Variants in KCND2 observed in about 807,000 individuals in gnomAD.
KCND2 encodes the protein A-type voltage-gated potassium channel KCND2.
In KCND2, 16 loss-of-function variants were observed where a neutral mutation model predicts 54.4. The ratio of observed to expected loss-of-function variants is 0.29; its 90% CI spans 0.20 to 0.45. The LOEUF is 0.45. Among genes scored for constraint, KCND2 ranks in the 20% least tolerant of loss-of-function variants. The pLI is 1.00. For missense variants in KCND2, 486 were observed against 824.2 expected (o/e 0.59, Z 5.02); for synonymous variants, 317 against 310.7 (o/e 1.02, Z -0.21).
At chr7:120,300,543 A>G (rs988369680) in intron 1 of KCND2, among the ~76,000 whole-genome samples, 4 of 152,164 alleles carry the variant, frequency 2.6e-5, no homozygotes, top group African/African-American at 9.6e-5. Context: ...TATATAGTGA[A>G]CATGGATATT....
intron 1 of KCND2, among the ~76,000 whole-genome samples, chr7:120,555,327 A>T (rs1254778307): frequency 1.3e-5 from 2 of 152,136 alleles, no homozygotes; most frequent in Non-Finnish European, 2.9e-5. Context: ...CCTCCTTTGA[A>T]TATGGTTTTT....
At chr7:120,725,491 G>C (rs998546440) in intron 1 of KCND2, among the ~76,000 whole-genome samples, 1 of 152,120 alleles carries the variant, frequency 6.6e-6, no homozygotes, top group Non-Finnish European at 1.5e-5. Flanking sequence ...CCAAAATACA[G>C]CCTAAATATT....
intron 1 of KCND2, among the ~76,000 whole-genome samples, chr7:120,696,390 C>A (rs1233701430): frequency 6.6e-6 from 1 of 152,146 alleles, no homozygotes; most frequent in Non-Finnish European, 1.5e-5. Flanking sequence ...AGATCCTACC[C>A]AGCATGTATT....
rs562379340 is a variant in KCND2 at position 120,606,648 on chromosome 7, C to T, written c.1116-126255C>T. Among the ~76,000 whole-genome samples the T allele has an allele frequency of 5.9e-5, 9 of 152,140 alleles. No individual in the cohort carries two copies. In the East Asian group the frequency reaches 1.5e-3, roughly 26 times the overall value. On this transcript the variant is annotated intron_variant, in intron 1 of 5. Transcript: ENST00000331113. ...TTCTTTCCTAACTGATTTGTCTTGG[C>T]AGCTGTGTCAAAAATCAACTGACTA...
chr7:120,284,141 A>G (rs984430840), intron 1 of KCND2, among the ~76,000 whole-genome samples: 1 of 152,172 alleles, frequency 6.6e-6, no homozygotes, highest in Non-Finnish European at 1.5e-5. Context: ...TTGAATCTAG[A>G]GGAATTCAGT....
chr7:120,552,456 A>G (rs887318982), intron 1 of KCND2, among the ~76,000 whole-genome samples: 2 of 152,244 alleles, frequency 1.3e-5, no homozygotes, highest in Admixed American at 6.5e-5. Flanking sequence ...AATGTATTTG[A>G]TATGAGTTTT....
intron 1 of KCND2, among the ~76,000 whole-genome samples, chr7:120,579,557 G>A (rs868235668): frequency 1.8e-4 from 27 of 150,950 alleles, no homozygotes; most frequent in African/African-American, 6.1e-4. Context: ...AGCCAAGATC[G>A]CGCCACTGCA....
At chr7:120,449,328 C>CAA (rs58305865) in intron 1 of KCND2, among the ~76,000 whole-genome samples, 14,130 of 125,270 alleles carry the variant, frequency 0.11, 743 homozygotes, top group Admixed American at 0.14. Context: ...GACTCCGTCT[C>CAA]AAAAAAAAAA....
chr7:120,325,511 G>A (rs1210218947), intron 1 of KCND2, among the ~76,000 whole-genome samples: 2 of 151,506 alleles, frequency 1.3e-5, no homozygotes, highest in Admixed American at 6.6e-5. Context: ...TTAGCATGAA[G>A]AGTTGTTGAA....
chr7:120,689,346 A>T (rs529791981), intron 1 of KCND2, among the ~76,000 whole-genome samples: 1 of 152,248 alleles, frequency 6.6e-6, no homozygotes, highest in Non-Finnish European at 1.5e-5. Flanking sequence ...TACAAATTTT[A>T]TTTTTTTAAA....
chr7:120,325,176 C>G (rs973710337), intron 1 of KCND2, among the ~76,000 whole-genome samples: 4 of 130,972 alleles, frequency 3.1e-5, no homozygotes, highest in Non-Finnish European at 6.5e-5. Context: ...GCTGAAGTTG[C>G]TTATCAGCTT....
intron 1 of KCND2, among the ~76,000 whole-genome samples, chr7:120,350,124 CTA>C (rs1800381620): frequency 6.6e-6 from 1 of 151,992 alleles, no homozygotes; most frequent in South Asian, 2.1e-4. Flanking sequence ...TTTATGAAAA[CTA>C]TGAAATCATT....
At chr7:120,278,140 C>A (rs1458052674) in intron 1 of KCND2, among the ~76,000 whole-genome samples, 1 of 151,888 alleles carries the variant, frequency 6.6e-6, no homozygotes, top group East Asian at 1.9e-4. Flanking sequence ...AACAGAATTT[C>A]ATAGAAAAAT....
At chr7:120,351,379 C>T (rs1800400855) in intron 1 of KCND2, among the ~76,000 whole-genome samples, 1 of 127,480 alleles carries the variant, frequency 7.8e-6, no homozygotes, top group Non-Finnish European at 1.7e-5. Context: ...CACACACACA[C>T]ACACACACAC....
At chr7:120,545,751 G>A (rs943313510) in intron 1 of KCND2, among the ~76,000 whole-genome samples, 1 of 151,730 alleles carries the variant, frequency 6.6e-6, no homozygotes, top group Non-Finnish European at 1.5e-5. Context: ...AAAAAAGGTA[G>A]AATTTGTGGG....
chr7:120,464,565 A>C (rs1191438590), intron 1 of KCND2, among the ~76,000 whole-genome samples: 1 of 152,200 alleles, frequency 6.6e-6, no homozygotes, highest in Non-Finnish European at 1.5e-5. Flanking sequence ...ACAATCCTCT[A>C]CATCAGAAGT....
intron 1 of KCND2, among the ~76,000 whole-genome samples, chr7:120,727,032 G>A (rs1050354188): frequency 9.2e-5 from 14 of 151,898 alleles, no homozygotes; most frequent in African/African-American, 3.1e-4. Context: ...AGTGTGTGTG[G>A]GACATACTTT....
chr7:120,386,693 C>T (rs905263497), intron 1 of KCND2, among the ~76,000 whole-genome samples: 3 of 152,108 alleles, frequency 2.0e-5, no homozygotes, highest in Admixed American at 6.6e-5. Context: ...ATTCTACTCA[C>T]AAATGTTGAC....
At chr7:120,375,266 C>T (rs1270863368) in intron 1 of KCND2, among the ~76,000 whole-genome samples, 7 of 151,696 alleles carry the variant, frequency 4.6e-5, no homozygotes, top group Non-Finnish European at 1.0e-4. Context: ...AAATAGCTAC[C>T]TTTTCCCCCA....
Sources: gnomAD v4.1 joint callset for allele counts (sites outside exome capture counted in the v4.1 genomes callset) on GRCh38, gnomAD v4.1.1 for gene constraint, MANE v1.5 for transcripts, NCBI Gene and HGNC (gene_info 2026-07-23, HGNC 2026-07-21) for gene names.